The following AGPAT5 variants were observed in gnomAD, a reference collection of about 807,000 sequenced individuals.
AGPAT5 encodes the protein 1-acylglycerol-3-phosphate O-acyltransferase 5.
AGPAT5 carries 46 observed loss-of-function variants against 45.6 expected under a neutral mutation model. The observed-to-expected ratio is 1.01, with a 90% CI of 0.80 to 1.29. AGPAT5 has a LOEUF of 1.29. Ranked by LOEUF, AGPAT5 falls within the 50% of genes most tolerant of loss-of-function variation. AGPAT5 has a pLI of 0.00. For synonymous variants in AGPAT5, 272 were observed against 167.0 expected, an observed-to-expected ratio of 1.63 and a Z score of -4.85; for missense variants, 673 against 450.7, an observed-to-expected ratio of 1.49 and a Z score of -4.47.
intron 4 of AGPAT5, among the ~76,000 whole-genome samples, chr8:6,739,802 G>A (rs530311907): frequency 2.0e-4 from 31 of 152,094 alleles, no homozygotes; most frequent in African/African-American, 7.5e-4. Flanking sequence ...GACTAGAACT[G>A]GTGTGAGGGA....
intron 4 of AGPAT5, 33 bp from the exon 5 acceptor site, chr8:6,741,628 C>G (rs370956982): frequency 6.6e-5 from 99 of 1,509,752 alleles, no homozygotes; most frequent in African/African-American, 6.5e-4. Flanking sequence ...AAAGCTCACA[C>G]AAAATAAACC....
chr8:6,714,361 A>T (rs998193101), intron 1 of AGPAT5, among the ~76,000 whole-genome samples: 1 of 152,218 alleles, frequency 6.6e-6, no homozygotes, highest in African/African-American at 2.4e-5. Context: ...TTTCCCAATC[A>T]AATACAATTC....
At chr8:6,730,136 C>G (rs1008445881) in intron 2 of AGPAT5, among the ~76,000 whole-genome samples, 4 of 151,526 alleles carry the variant, frequency 2.6e-5, no homozygotes, top group Admixed American at 2.6e-4. Context: ...TTTAGAGAAG[C>G]TCATTTTGTT....
intron 7 of AGPAT5, among the ~76,000 whole-genome samples, chr8:6,756,842 G>A (rs1341597179): frequency 1.3e-5 from 2 of 152,104 alleles, no homozygotes; most frequent in Admixed American, 1.3e-4. Context: ...GCTGCAGCGG[G>A]TTATTAGCCA....
chr8:6,735,309 G>A (rs1801012374), intron 4 of AGPAT5, among the ~76,000 whole-genome samples: 1 of 152,096 alleles, frequency 6.6e-6, no homozygotes, highest in South Asian at 2.1e-4. Flanking sequence ...CTTCCCACAG[G>A]GCTGCTTTTC....
chr8:6,718,344 T>G (rs140805140), intron 1 of AGPAT5, among the ~76,000 whole-genome samples: 21 of 152,320 alleles, frequency 1.4e-4, no homozygotes, highest in South Asian at 8.3e-4. Flanking sequence ...ATGCTTGCTT[T>G]CTTCAGCTGA....
chr8:6,727,449 T>G (rs1800726082), intron 2 of AGPAT5, among the ~76,000 whole-genome samples: 2 of 152,084 alleles, frequency 1.3e-5, no homozygotes, highest in African/African-American at 4.8e-5. Flanking sequence ...TGGTGCAATC[T>G]CAGCTCACTG....
chr8:6,748,398 A>G (rs1244928171), intron 6 of AGPAT5, among the ~76,000 whole-genome samples: 6 of 152,256 alleles, frequency 3.9e-5, no homozygotes, highest in Non-Finnish European at 8.8e-5. Context: ...AAATGTAAAC[A>G]TGGAAATAGG....
intron 5 of AGPAT5, among the ~76,000 whole-genome samples, chr8:6,747,285 T>C (rs1413334784): frequency 6.6e-6 from 1 of 152,250 alleles, no homozygotes; most frequent in Non-Finnish European, 1.5e-5. Flanking sequence ...GGAGGCCATG[T>C]GCTGTGTGAC....
rs553638132 is a variant in AGPAT5, at chr8:6,757,142, CT to C, written c.870-16del. The C allele has an allele frequency of 2.3e-3, 3,718 of 1,591,588 alleles. 4 individuals carry two copies. The highest frequency in any genetic ancestry group is 2.4e-3 in the Non-Finnish European group (2,799 of 1,164,198). ...AATACTGAAGTGACTAAAATCTAAA[CT>C]TTTTCCATTCTGGCCATAGGATGCT... is the stretch of plus-strand genomic sequence containing the variant. On this transcript the variant is annotated intron_variant, in intron 7 of 7. Transcript: ENST00000285518.
In AGPAT5 at chr8:6,738,040, C is replaced by T. The variant is rs543770249; in HGVS notation, c.496-3621C>T. On this transcript the variant is annotated intron_variant, in intron 4 of 7. Coordinates refer to ENST00000285518, the MANE Select transcript of AGPAT5 (RefSeq NM_018361.5). ...TAGAGCACTCAAACTTTCTCCATAT[C>T]AGCAATAAGGCTGTTTTGCTTTCTA... Among the ~76,000 whole-genome samples, 36 of 152,296 alleles carry T rather than the reference C, an allele frequency of 2.4e-4. No homozygotes were observed. The South Asian group carries it at 7.5e-3, about 32-fold the overall frequency.
At chr8:6,741,429 G>C (rs895037274) in intron 4 of AGPAT5, among the ~76,000 whole-genome samples, 2 of 152,088 alleles carry the variant, frequency 1.3e-5, no homozygotes, top group Non-Finnish European at 2.9e-5. Context: ...CTTCATGGCT[G>C]ACCTACCAAT....
intron 1 of AGPAT5, among the ~76,000 whole-genome samples, chr8:6,710,582 C>A (rs977931555): frequency 6.6e-6 from 1 of 152,208 alleles, no homozygotes; most frequent in Non-Finnish European, 1.5e-5. Context: ...GTTTCTTGTT[C>A]CTGCATTTTT....
chr8:6,724,440 A>G (rs937626347), intron 1 of AGPAT5, among the ~76,000 whole-genome samples: 4 of 152,208 alleles, frequency 2.6e-5, no homozygotes, highest in African/African-American at 4.8e-5. Flanking sequence ...GTGTCCTGAA[A>G]AAAGAAAAAA....
At chr8:6,747,364 A>C (rs780956413) in intron 5 of AGPAT5, among the ~76,000 whole-genome samples, 2 of 152,232 alleles carry the variant, frequency 1.3e-5, no homozygotes, top group Non-Finnish European at 2.9e-5. Context: ...GCCAGAAGCG[A>C]GGGCACTAAT....
At chr8:6,729,858 A>G in intron 2 of AGPAT5, among the ~76,000 whole-genome samples, 1 of 152,318 alleles carries the variant, frequency 6.6e-6, no homozygotes, top group Non-Finnish European at 1.5e-5. Flanking sequence ...AGTTATTAGC[A>G]GTCTGAGATC....
At chr8:6,756,208 C>T (rs1291323222) in intron 7 of AGPAT5, among the ~76,000 whole-genome samples, 1 of 152,108 alleles carries the variant, frequency 6.6e-6, no homozygotes, top group Non-Finnish European at 1.5e-5. Context: ...TGTTTTCCTT[C>T]TTTTACCTGC....
In AGPAT5 at chr8:6,757,905, A is replaced by G. The variant is rs1169847182; in HGVS notation, c.*517A>G. 1.3e-5 allele frequency: 2 copies of G among 152,980 alleles called. No homozygotes were observed. The highest frequency in any genetic ancestry group is 1.9e-4 in the East Asian group (1 of 5,202). The allele number at this position is 152,980 out of a possible 1,614,324, so 9.5% of individuals were successfully genotyped here. A position where few individuals can be genotyped will look rare whatever the true frequency, so the allele number is the denominator to read the frequency against. ...AGGATGTTCAAAGGAAAGGGTAAAA[A>G]GTGTTCATGGGGAAAAAGCTCTGTT... On this transcript the variant is annotated 3_prime_UTR_variant, in exon 8 of 8. Transcript: ENST00000285518.
chr8:6,726,650 C>T (rs1800696336), intron 2 of AGPAT5, among the ~76,000 whole-genome samples: 1 of 152,060 alleles, frequency 6.6e-6, no homozygotes, highest in South Asian at 2.1e-4. Flanking sequence ...TTAAAAAAAA[C>T]AATTCTGCAT....
Sources: allele counts gnomAD v4.1 joint callset (sites outside exome capture counted in the v4.1 genomes callset), GRCh38; gene constraint gnomAD v4.1.1; transcripts MANE v1.5; gene names NCBI Gene and HGNC (gene_info 2026-07-23, HGNC 2026-07-21).